Variants in DOCK1 observed in about 807,000 individuals in gnomAD.
DOCK1 encodes the protein dedicator of cytokinesis 1, also known as dedicator of cytokinesis protein 1.
DOCK1 carries 138 observed loss-of-function variants against 262.7 expected under a neutral mutation model. The ratio of observed to expected loss-of-function variants is 0.53; its 90% confidence interval spans 0.46 to 0.61. The LOEUF (loss-of-function observed/expected upper bound fraction) is 0.61. Among genes scored for constraint, DOCK1 ranks in the 20% least tolerant of loss-of-function variants. DOCK1 has a pLI of 0.00. For synonymous variants in DOCK1, 866 were observed against 867.4 expected (o/e 1.00, Z 0.03); for missense variants, 1,908 against 2,370.7 (o/e 0.80, Z 4.05).
In DOCK1 at chr10:127,055,174, T is replaced by A. The variant is rs1381276320; in HGVS notation, c.2336+2359T>A. Among the ~76,000 whole-genome samples, 3 of 152,144 alleles carry A rather than the reference T, an allele frequency of 2.0e-5. No homozygotes were observed. The East Asian group carries it at 5.8e-4, about 29-fold the overall frequency. ...CCATATGGGGTTCACTTTTTTTTTTTAGTCACATAATGTGCAGCCCGGAGG... is the reference window on the plus strand; with the variant it reads ...CCATATGGGGTTCACTTTTTTTTTTAAGTCACATAATGTGCAGCCCGGAGG... On this transcript the variant is annotated intron_variant, in intron 22 of 51. Coordinates refer to ENST00000623213, the MANE Select transcript of DOCK1 (RefSeq NM_001290223.2).
chr10:127,217,772 C>T (rs2134403957), intron 27 of DOCK1, among the ~76,000 whole-genome samples: 1 of 152,288 alleles, frequency 6.6e-6, no homozygotes, highest in Non-Finnish European at 1.5e-5. Flanking sequence ...AAGCCAATGT[C>T]AAGAAGGGTA....
intron 1 of DOCK1, among the ~76,000 whole-genome samples, chr10:126,920,804 A>G (rs1180939779): frequency 6.6e-6 from 1 of 152,242 alleles, no homozygotes; most frequent in African/African-American, 2.4e-5. Context: ...AACAGTTCAC[A>G]TAGGCTGGTC....
chr10:127,188,683 C>T (rs2056494174), intron 27 of DOCK1, among the ~76,000 whole-genome samples: 1 of 152,184 alleles, frequency 6.6e-6, no homozygotes, highest in Non-Finnish European at 1.5e-5. Flanking sequence ...CCTTCCCCTC[C>T]ACTTAATAGC....
At chr10:127,445,923 A>G (rs2070513823) in intron 50 of DOCK1, among the ~76,000 whole-genome samples, 1 of 152,244 alleles carries the variant, frequency 6.6e-6, no homozygotes, top group Non-Finnish European at 1.5e-5. Context: ...AGGGACAAAT[A>G]TTATATGACT....
intron 27 of DOCK1, among the ~76,000 whole-genome samples, chr10:127,179,856 G>A (rs1265214275): frequency 6.6e-6 from 1 of 152,172 alleles, no homozygotes; most frequent in Admixed American, 6.5e-5. Context: ...GTGCTCCTAT[G>A]TGCTAATCAA....
At chr10:126,931,909 C>A in intron 1 of DOCK1, among the ~76,000 whole-genome samples, 1 of 152,152 alleles carries the variant, frequency 6.6e-6, no homozygotes, top group East Asian at 1.9e-4. Context: ...CAAACTCAAT[C>A]TCCCCTTCCA....
intron 29 of DOCK1, among the ~76,000 whole-genome samples, chr10:127,280,863 A>G (rs1310486529): frequency 6.6e-6 from 1 of 152,022 alleles, no homozygotes; most frequent in Non-Finnish European, 1.5e-5. Flanking sequence ...ACATCGGAAT[A>G]TTTTCAACTT....
chr10:127,385,874 C>A (rs1252522294), intron 38 of DOCK1, among the ~76,000 whole-genome samples: 1 of 152,242 alleles, frequency 6.6e-6, no homozygotes, highest in African/African-American at 2.4e-5. Context: ...CAGTCTCCTT[C>A]TCCTTAGGAG....
intron 23 of DOCK1, among the ~76,000 whole-genome samples, chr10:127,106,016 C>T (rs944218439): frequency 2.0e-5 from 3 of 152,170 alleles, no homozygotes; most frequent in Non-Finnish European, 4.4e-5. Context: ...CTGCCTGCCT[C>T]AGCCTCCCAA....
chr10:127,424,961 C>A (rs1429577428), intron 46 of DOCK1, among the ~76,000 whole-genome samples: 1 of 152,204 alleles, frequency 6.6e-6, no homozygotes, highest in Non-Finnish European at 1.5e-5. Context: ...TAACCAAATA[C>A]ATTTGATGCG....
At chr10:127,042,792 G>T in intron 20 of DOCK1, 78 bp downstream of exon 20, 1 of 1,468,346 alleles carries the variant, frequency 6.8e-7, no homozygotes. Flanking sequence ...TGGAGTCGGG[G>T]GCTTCGTCAC....
At chr10:127,224,168 A>G (rs571177548) in intron 27 of DOCK1, among the ~76,000 whole-genome samples, 10 of 152,252 alleles carry the variant, frequency 6.6e-5, no homozygotes, top group African/African-American at 2.2e-4. Flanking sequence ...TTTTTTTTCA[A>G]TGAGTTATAA....
At chr10:127,161,347 C>CTAA (rs2053578592) in intron 27 of DOCK1, among the ~76,000 whole-genome samples, 1 of 152,150 alleles carries the variant, frequency 6.6e-6, no homozygotes, top group Non-Finnish European at 1.5e-5. Flanking sequence ...TAGTCAAAGG[C>CTAA]GGTACTGGCT....
chr10:127,411,700 C>T (rs376761253), intron 43 of DOCK1, among the ~76,000 whole-genome samples: 7 of 151,940 alleles, frequency 4.6e-5, no homozygotes, highest in Admixed American at 3.3e-4. Context: ...ATTAGCCGGG[C>T]GTGGTGGTGC....
At chr10:127,269,882 A>T (rs1281631811) in intron 29 of DOCK1, among the ~76,000 whole-genome samples, 1 of 152,254 alleles carries the variant, frequency 6.6e-6, no homozygotes. Flanking sequence ...CCCCGTTGGC[A>T]TAACGAGAAT....
chr10:127,401,791 TCTCCTGCCCCGCTCATGCCTG>T (rs2067240285), intron 38 of DOCK1, among the ~76,000 whole-genome samples: 1 of 152,158 alleles, frequency 6.6e-6, no homozygotes, highest in East Asian at 1.9e-4. Context: ...AGGACAGCCC[TCTCCTGCCCCGCTCATGCCTG>T]ACTAGCTACC....
intron 45 of DOCK1, among the ~76,000 whole-genome samples, 184 bp downstream of exon 45, chr10:127,418,725 G>A (rs191298549): frequency 8.6e-4 from 131 of 152,332 alleles, no homozygotes; most frequent in African/African-American, 3.0e-3. Flanking sequence ...GGTCAAGGCC[G>A]GAGTCCCGGC....
chr10:127,200,351 G>C (rs1420292080), intron 27 of DOCK1, among the ~76,000 whole-genome samples: 1 of 152,204 alleles, frequency 6.6e-6, no homozygotes, highest in South Asian at 2.1e-4. Flanking sequence ...TCTGCTACGA[G>C]GGTTTGTGAT....
At chr10:126,928,199 C>T (rs2033912287) in intron 1 of DOCK1, among the ~76,000 whole-genome samples, 1 of 152,198 alleles carries the variant, frequency 6.6e-6, no homozygotes, top group Non-Finnish European at 1.5e-5. Flanking sequence ...GACTCGGAGC[C>T]TCCCAGGTCG....
Sources: gnomAD v4.1 joint callset for allele counts (sites outside exome capture counted in the v4.1 genomes callset) on GRCh38, gnomAD v4.1.1 for gene constraint, MANE v1.5 for transcripts, NCBI Gene and HGNC (gene_info 2026-07-23, HGNC 2026-07-21) for gene names.